The following CLEC7A variants were observed in gnomAD, a reference collection of about 807,000 sequenced individuals.
CLEC7A encodes the protein C-type lectin domain containing 7A, also known as C-type lectin domain family 7 member A.
In CLEC7A, 25 loss-of-function variants were observed where a neutral mutation model predicts 26.9. The ratio of observed to expected loss-of-function variants is 0.93; its 90% CI spans 0.68 to 1.30. The LOEUF (loss-of-function observed/expected upper bound fraction) is 1.30. Ranked by LOEUF, CLEC7A falls within the 50% of genes most tolerant of loss-of-function variation. CLEC7A has a pLI of 0.00. For missense variants in CLEC7A, 275 were observed against 286.7 expected (o/e 0.96, Z 0.29); for synonymous variants, 100 against 99.5 (o/e 1.01, Z -0.03).
rs1947969131 is a variant in CLEC7A at position 10,118,274 on chromosome 12, C to T, written c.*184G>A. On this transcript the variant is annotated 3_prime_UTR_variant, in exon 6 of 6. Coordinates refer to ENST00000304084, the MANE Select transcript of CLEC7A (RefSeq NM_197947.3). ...TAACTAGAAAAATAATACTAGCCTA[C>T]CTGTAGGTCGACAAATACAGAAATC... 1 of 571,828 alleles carries T rather than the reference C, an allele frequency of 1.7e-6. No homozygotes were observed. Among genetic ancestry groups the T allele is most frequent in the Non-Finnish European group, 3.0e-6 (1 of 333,186 alleles). The allele number at this position is 571,828 out of a possible 1,614,324, so 35.4% of individuals were successfully genotyped here.
chr12:10,120,869 C>T (rs1357272650), intron 5 of CLEC7A, among the ~76,000 whole-genome samples: 1 of 150,078 alleles, frequency 6.7e-6, no homozygotes, highest in African/African-American at 2.4e-5. Context: ...ATTCTGGTGC[C>T]TCAACCTCTG....
intron 5 of CLEC7A, among the ~76,000 whole-genome samples, chr12:10,122,658 C>A (rs747760497): frequency 1.3e-5 from 2 of 151,834 alleles, no homozygotes; most frequent in South Asian, 4.2e-4. Flanking sequence ...CCACCACACC[C>A]GGCTAAATTT....
rs1948296435 is a variant in CLEC7A, at chr12:10,126,678, G to C, written c.233C>G (p.Thr78Arg). The C allele has an allele frequency of 6.2e-7, 1 of 1,612,208 alleles. No individual in the cohort carries two copies. Among genetic ancestry groups the C allele is most frequent in the Non-Finnish European group, 8.5e-7 (1 of 1,179,262 alleles). Reference sequence around the variant, plus strand: ...TGATAGAAAGTAGCCATTCTCCAATGTGTTGCTTCCTGAATTGGATCTCCA... The same window carrying C: ...TGATAGAAAGTAGCCATTCTCCAATCTGTTGCTTCCTGAATTGGATCTCCA... ...AIWRSNSGSN[T>R]LENGYFLSRN... The change falls in exon 3 of 6, where the codon ACA (threonine) becomes AGA (arginine). Residue 78 changes from threonine (T) to arginine (R), a missense_variant. Thr to Arg is a moderately conservative substitution (Grantham distance 71). Transcript: ENST00000304084.
At position 10,127,738 on chromosome 12, in the gene CLEC7A, A is replaced by G. The variant is rs1179959595; in HGVS notation, c.202+9T>C. On this transcript the variant is annotated intron_variant, in intron 2 of 5. Coordinates refer to ENST00000304084, the MANE Select transcript of CLEC7A (RefSeq NM_197947.3). Reference sequence around the variant, plus strand: ...TGTCTGTTGTTAATCTCCTCCACCAAATACTCACCCATGGTACCCAGGACC... The same window carrying G: ...TGTCTGTTGTTAATCTCCTCCACCAGATACTCACCCATGGTACCCAGGACC... The G allele has an allele frequency of 4.5e-6, 7 of 1,555,786 alleles. No individual in the cohort carries two copies.
chr12:10,128,741 T>C (rs562549237), intron 1 of CLEC7A, among the ~76,000 whole-genome samples: 1 of 152,300 alleles, frequency 6.6e-6, no homozygotes, highest in Admixed American at 6.5e-5. Context: ...TGCCTACACA[T>C]ATGCATAAAC....
At position 10,123,152 on chromosome 12, in the gene CLEC7A, A is replaced by G; in HGVS notation, c.611+93T>C. The G allele has an allele frequency of 4.0e-6, 3 of 751,408 alleles. No individual in the cohort carries two copies. In the South Asian group the frequency reaches 4.6e-5, roughly 12 times the overall value. 46.5% of individuals were successfully genotyped at this position (751,408 alleles called of 1,614,324 possible). ...TCTCTTTCTCATATATGGTGAGCAA[A>G]TCAGGTTCTTAGCTGCTCGACAGAG... On this transcript the variant is annotated intron_variant, in intron 5 of 5. Coordinates refer to ENST00000304084, the MANE Select transcript of CLEC7A (RefSeq NM_197947.3).
At chr12:10,119,209 A>G (rs1948002053) in intron 5 of CLEC7A, among the ~76,000 whole-genome samples, 1 of 152,236 alleles carries the variant, frequency 6.6e-6, no homozygotes, top group African/African-American at 2.4e-5. Flanking sequence ...TAATGAGTCA[A>G]GCTCAAAGAG....
At position 10,126,793 on chromosome 12, in the gene CLEC7A, A is replaced by G. The variant is rs936140774; in HGVS notation, c.203-85T>C. ...ATTAAAATCCCAAAACCCAAATGTTATTGGAATAAAAGAATACATTATTGA... is the reference window on the plus strand; with the variant it reads ...ATTAAAATCCCAAAACCCAAATGTTGTTGGAATAAAAGAATACATTATTGA... On this transcript the variant is annotated intron_variant, in intron 2 of 5. Coordinates refer to ENST00000304084, the MANE Select transcript of CLEC7A (RefSeq NM_197947.3). 6 of 1,066,632 alleles carry G rather than the reference A, an allele frequency of 5.6e-6. No individual in the cohort carries two copies. In the Admixed American group the frequency reaches 1.6e-4, roughly 28 times the overall value. 66.1% of individuals were successfully genotyped at this position (1,066,632 alleles called of 1,614,324 possible).
intron 3 of CLEC7A, 55 bp downstream of exon 3, chr12:10,126,516 G>C: frequency 6.5e-7 from 1 of 1,539,484 alleles, no homozygotes; most frequent in Non-Finnish European, 8.7e-7. Flanking sequence ...CCAGGCTTCA[G>C]CACCAAGAAT....
chr12:10,125,576 A>G, intron 3 of CLEC7A, 128 bp from the exon 4 acceptor site: 1 of 676,014 alleles, frequency 1.5e-6, no homozygotes, highest in East Asian at 2.9e-5. Context: ...TTCATTGTCA[A>G]TTCGAACTAC....
rs1262193942 is a variant in CLEC7A at position 10,130,154 on chromosome 12, G to A, written c.-72C>T. The A allele has an allele frequency of 1.9e-5, 13 of 698,824 alleles. No homozygotes were observed. Among genetic ancestry groups the A allele is most frequent in the Non-Finnish European group, 3.3e-5 (13 of 396,294 alleles). The allele number at this position is 698,824 out of a possible 1,614,324, so 43.3% of individuals were successfully genotyped here. On this transcript the variant is annotated 5_prime_UTR_variant, in exon 1 of 6. Coordinates refer to ENST00000304084, the MANE Select transcript of CLEC7A (RefSeq NM_197947.3). ...CTTTCTGCTCCTGAGATGACTGTCT[G>A]TGGACAAAAGAGAATCTCTGAGTCA...
intron 4 of CLEC7A, 66 bp downstream of exon 4, chr12:10,125,230 TG>T: frequency 1.5e-6 from 2 of 1,333,398 alleles, no homozygotes; most frequent in Non-Finnish European, 2.1e-6. Flanking sequence ...TGTCATTACC[TG>T]GAATCTCCCT....
rs971208645 is a variant in CLEC7A at position 10,117,230 on chromosome 12, A to C, written c.*1228T>G. ...ATGAGAGCAGTTTCCCTACAATTAC[A>C]TATTATACAAGATTCTAGGCTGGGT... On this transcript the variant is annotated 3_prime_UTR_variant, in exon 6 of 6. Coordinates refer to ENST00000304084, the MANE Select transcript of CLEC7A (RefSeq NM_197947.3). 1 of 152,190 alleles carries C rather than the reference A, an allele frequency of 6.6e-6. No individual in the cohort carries two copies. Among genetic ancestry groups the C allele is most frequent in the Non-Finnish European group, 1.5e-5 (1 of 68,032 alleles). The allele number at this position is 152,190 out of a possible 1,614,324, so 9.4% of individuals were successfully genotyped here.
Position 10,118,440 on chromosome 12 carries a change from CCTT to C in CLEC7A, c.*15_*17del. ...CTTACTACCTCACATATTTCTCTCT[CCTT>C]CTCCACCCTTCCTCTTACATTGAAA... On this transcript the variant is annotated 3_prime_UTR_variant, in exon 6 of 6. Transcript: ENST00000304084. 6.3e-7 allele frequency: 1 copy of C among 1,599,120 alleles called. No homozygotes were observed.
intron 2 of CLEC7A, 42 bp from the exon 3 acceptor site, chr12:10,126,750 A>T: frequency 6.6e-7 from 1 of 1,517,330 alleles, no homozygotes. Flanking sequence ...AAAAAATGTC[A>T]TTCTGCTGTG....
intron 5 of CLEC7A, among the ~76,000 whole-genome samples, chr12:10,122,853 C>G (rs1948138244): frequency 6.6e-6 from 1 of 152,072 alleles, no homozygotes; most frequent in Non-Finnish European, 1.5e-5. Flanking sequence ...TGACTTATCC[C>G]CAGTGTCACA....
intron 1 of CLEC7A, among the ~76,000 whole-genome samples, chr12:10,129,239 A>G (rs1181786770): frequency 6.6e-6 from 1 of 152,054 alleles, no homozygotes; most frequent in Non-Finnish European, 1.5e-5. Context: ...TTAATCTCTT[A>G]CCACAAAAAA....
chr12:10,118,242 G>T lies in CLEC7A; in HGVS notation c.*216C>A. Reference sequence around the variant, plus strand: ...TGGCTGCCCTGATTCCATGTCTAGGGATCTACTAACTAGAAAAATAATACT... The same window carrying T: ...TGGCTGCCCTGATTCCATGTCTAGGTATCTACTAACTAGAAAAATAATACT... On this transcript the variant is annotated 3_prime_UTR_variant, in exon 6 of 6. Coordinates refer to ENST00000304084, the MANE Select transcript of CLEC7A (RefSeq NM_197947.3). The T allele has an allele frequency of 2.0e-6, 1 of 509,940 alleles. No individual in the cohort carries two copies. The highest frequency in any genetic ancestry group is 3.4e-6 in the Non-Finnish European group (1 of 293,492). 31.6% of individuals were successfully genotyped at this position (509,940 alleles called of 1,614,324 possible).
intron 1 of CLEC7A, among the ~76,000 whole-genome samples, chr12:10,128,660 C>T (rs1045767152): frequency 6.6e-6 from 1 of 152,096 alleles, no homozygotes; most frequent in Non-Finnish European, 1.5e-5. Context: ...ATTAAACGAG[C>T]TAACACATAT....
Sources: gnomAD v4.1 joint callset for allele counts (sites outside exome capture counted in the v4.1 genomes callset) on GRCh38, gnomAD v4.1.1 for gene constraint, MANE v1.5 for transcripts, NCBI Gene and HGNC (gene_info 2026-07-23, HGNC 2026-07-21) for gene names.